ASXL1: variants seen among roughly 807,000 people sequenced by gnomAD.
ASXL1 encodes polycomb group protein ASXL1.
Under a neutral mutation model 89.1 loss-of-function variants are expected in ASXL1, and 65 were observed. The ratio of observed to expected loss-of-function variants is 0.73; its 90% CI spans 0.60 to 0.90. ASXL1 has a LOEUF of 0.90. Among genes scored for constraint, ASXL1 ranks in the 40% least tolerant of loss-of-function variants. The probability of loss-of-function intolerance (pLI) is 0.00; values close to 1 mark genes in which losing one functional copy is unlikely to be tolerated. For missense variants in ASXL1, 1,786 were observed against 1,942.9 expected (o/e 0.92, Z 1.52); for synonymous variants, 739 against 746.9 (o/e 0.99, Z 0.17).
At chr20:32,418,357 C>T (rs2049174423) in intron 4 of ASXL1, among the ~76,000 whole-genome samples, 1 of 152,038 alleles carries the variant, frequency 6.6e-6, no homozygotes, top group African/African-American at 2.4e-5. Flanking sequence ...TGGGCCCGCA[C>T]AGTGAGACCC....
Position 32,430,007 on chromosome 20 carries a change from C to T in ASXL1, c.672C>T (p.Thr224=), listed in dbSNP as rs749748016. ...CTATTCGTGGCCAGGCCGAGGTCACCCAGGACCCTGCCCCGCTCCTGAGAG... is the reference window on the plus strand; with the variant it reads ...CTATTCGTGGCCAGGCCGAGGTCACTCAGGACCCTGCCCCGCTCCTGAGAG... ...SAAIRGQAEV[T]QDPAPLLRGF... is the part of the protein sequence containing the mutation. The change falls in exon 8 of 13, where the codon ACC becomes ACT. Residue 224 remains threonine, a synonymous_variant. Coordinates refer to ENST00000375687, the MANE Select transcript of ASXL1 (RefSeq NM_015338.6). 1 of 1,608,100 alleles carries T rather than the reference C, an allele frequency of 6.2e-7. No homozygotes were observed. The highest frequency in any genetic ancestry group is 8.5e-7 in the Non-Finnish European group (1 of 1,179,966).
intron 1 of ASXL1, 78 bp downstream of exon 1, chr20:32,358,910 GA>G: frequency 7.3e-7 from 1 of 1,364,604 alleles, no homozygotes. Flanking sequence ...ACTGGGGGGG[GA>G]GGGGCAAGGC....
chr20:32,359,663 G>A (rs2122761815), intron 1 of ASXL1: 1 of 717,434 alleles, frequency 1.4e-6, no homozygotes, highest in East Asian at 2.7e-5. Flanking sequence ...CAAAGACAAA[G>A]TATCTCTGTT....
chr20:32,398,685 C>T (rs1269671314), intron 4 of ASXL1, among the ~76,000 whole-genome samples: 1 of 147,918 alleles, frequency 6.8e-6, no homozygotes, highest in African/African-American at 2.5e-5. Flanking sequence ...TCTCGGCTCA[C>T]TGCAAGCTCC....
In ASXL1 at chr20:32,434,471, G is replaced by T. The variant is rs764414702; in HGVS notation, c.1759G>T (p.Gly587Cys). ...SRIKPPWVVK[G>C]QPTYQICPRI... Reference sequence around the variant, plus strand: ...TATCAAACCACCCTGGGTGGTTAAAGGTCAGCCCACTTACCAGATATGCCC... The same window carrying T: ...TATCAAACCACCCTGGGTGGTTAAATGTCAGCCCACTTACCAGATATGCCC... The change falls in exon 13 of 13, where the codon GGT (glycine) becomes TGT (cysteine). Residue 587 changes from glycine to cysteine, a missense_variant. Coordinates refer to ENST00000375687, the MANE Select transcript of ASXL1 (RefSeq NM_015338.6). The T allele has an allele frequency of 6.2e-7, 1 of 1,614,090 alleles. No individual in the cohort carries two copies. The highest frequency in any genetic ancestry group is 1.1e-5 in the South Asian group (1 of 91,076).
rs768333722 is a variant in ASXL1 at position 32,435,863 on chromosome 20, C to A, written c.3151C>A (p.Arg1051Ser). The A allele has an allele frequency of 1.2e-6, 2 of 1,614,180 alleles. No homozygotes were observed. The highest frequency in any genetic ancestry group is 1.1e-5 in the South Asian group (1 of 91,084). Residue 1051 changes from arginine (R) to serine (S), a missense_variant, in exon 13 of 13, where the codon CGT (arginine) becomes AGT (serine). This residue lies in a region of ASXL1 where 1,418 missense variants were observed against 1,427.8 expected (regional missense o/e 0.99). Transcript: ENST00000375687. ...ACTGTCCAAGGTGAATGGTGACATGCGTCTGGTTACAAGGACAGATGGGAT... is the reference window on the plus strand; with the variant it reads ...ACTGTCCAAGGTGAATGGTGACATGAGTCTGGTTACAAGGACAGATGGGAT... The part of the protein sequence containing the change: ...APLSKVNGDM[R>S]LVTRTDGMVA...
chr20:32,367,745 TG>T lies in ASXL1; in HGVS notation c.143+19del, dbSNP rs1233033263. Reference sequence around the variant, plus strand: ...CCTATAGAAGGTAAATGAGTCCCTTTGGGACATATGGAATTGAGAACCTTAA... The same window carrying T: ...CCTATAGAAGGTAAATGAGTCCCTTTGGACATATGGAATTGAGAACCTTAA... On this transcript the variant is annotated intron_variant, in intron 3 of 12. Coordinates refer to ENST00000375687, the MANE Select transcript of ASXL1 (RefSeq NM_015338.6). The T allele has an allele frequency of 1.3e-6, 1 of 780,784 alleles. No homozygotes were observed. Among genetic ancestry groups the T allele is most frequent in the African/African-American group, 1.7e-5 (1 of 59,154 alleles). 48.4% of individuals were successfully genotyped at this position (780,784 alleles called of 1,614,324 possible).
chr20:32,432,754 T>C, intron 10 of ASXL1, 126 bp from the exon 11 acceptor site: 2 of 1,198,660 alleles, frequency 1.7e-6, no homozygotes, highest in Non-Finnish European at 2.4e-6. Context: ...TCTGTCCCTA[T>C]AAGAGCATGA....
intron 4 of ASXL1, 189 bp from the exon 5 acceptor site, chr20:32,427,939 G>T: frequency 1.3e-6 from 1 of 769,024 alleles, no homozygotes; most frequent in Non-Finnish European, 2.1e-6. Flanking sequence ...GAATGCAAAA[G>T]TGTATCTAAC....
intron 4 of ASXL1, among the ~76,000 whole-genome samples, chr20:32,376,805 A>G (rs1205918703): frequency 2.4e-5 from 3 of 125,904 alleles, no homozygotes; most frequent in East Asian, 2.0e-4. Flanking sequence ...CATGATATAT[A>G]TAATGTATTT....
At chr20:32,369,729 T>A (rs2048267170) in intron 4 of ASXL1, among the ~76,000 whole-genome samples, 1 of 143,892 alleles carries the variant, frequency 6.9e-6, no homozygotes, top group African/African-American at 2.6e-5. Flanking sequence ...TTTTTTTTTT[T>A]TTTTTTTTTT....
rs2011459402 is a variant in ASXL1 at position 32,429,644 on chromosome 20, C to A, written c.565+213C>A. On this transcript the variant is annotated intron_variant, in intron 7 of 12. Coordinates refer to ENST00000375687, the MANE Select transcript of ASXL1 (RefSeq NM_015338.6). The surrounding 1 kb of genome is among the most constrained non-coding windows in gnomAD (Gnocchi z 4.9). ...GTCTCCCAGGGCAGTCGTGAGGATC[C>A]AACGGAGGATTTGATTATGCCAGTG... is the stretch of plus-strand genomic sequence containing the variant. 1 of 706,624 alleles carries A rather than the reference C, an allele frequency of 1.4e-6. No homozygotes were observed. The highest frequency in any genetic ancestry group is 2.4e-6 in the Non-Finnish European group (1 of 424,284). 43.8% of individuals were successfully genotyped at this position (706,624 alleles called of 1,614,324 possible).
chr20:32,378,126 A>T (rs1456398719), intron 4 of ASXL1, among the ~76,000 whole-genome samples: 1 of 139,458 alleles, frequency 7.2e-6, no homozygotes, highest in East Asian at 2.1e-4. Flanking sequence ...GGTAGTTGGG[A>T]CTACAGGTGC....
intron 4 of ASXL1, among the ~76,000 whole-genome samples, chr20:32,389,760 G>T (rs2048640807): frequency 6.6e-6 from 1 of 152,102 alleles, no homozygotes; most frequent in African/African-American, 2.4e-5. Flanking sequence ...TAGAGACAGG[G>T]TTTCACCATG....
chr20:32,395,170 C>T (rs1331502025), intron 4 of ASXL1, among the ~76,000 whole-genome samples: 2 of 152,166 alleles, frequency 1.3e-5, no homozygotes, highest in East Asian at 3.8e-4. Flanking sequence ...CAGAGGACTT[C>T]CTTTAATGTG....
chr20:32,395,964 A>T (rs2048755582), intron 4 of ASXL1, among the ~76,000 whole-genome samples: 1 of 151,796 alleles, frequency 6.6e-6, no homozygotes, highest in Non-Finnish European at 1.5e-5. Flanking sequence ...ATGTCTGGCT[A>T]GTTTTTGTAT....
At chr20:32,383,402 G>A (rs984080429) in intron 4 of ASXL1, among the ~76,000 whole-genome samples, 1 of 152,010 alleles carries the variant, frequency 6.6e-6, no homozygotes, top group Non-Finnish European at 1.5e-5. Flanking sequence ...TGCCTCCCGG[G>A]TTCACGCCAT....
chr20:32,378,158 TTGTGTGTG>T (rs142792019), intron 4 of ASXL1, among the ~76,000 whole-genome samples: 65 of 130,306 alleles, frequency 5.0e-4, no homozygotes, highest in East Asian at 1.2e-3. Flanking sequence ...GCTGAGTAAT[TTGTGTGTG>T]TGTGTGTGTG....
chr20:32,371,203 T>G (rs895678707), intron 4 of ASXL1, among the ~76,000 whole-genome samples: 1 of 152,160 alleles, frequency 6.6e-6, no homozygotes, highest in African/African-American at 2.4e-5. Flanking sequence ...TCCCTGGCAT[T>G]GAGTCAGTCC....
Sources: allele counts gnomAD v4.1 joint callset (sites outside exome capture counted in the v4.1 genomes callset), GRCh38; gene constraint gnomAD v4.1.1; regional missense constraint gnomAD v4.1.1; non-coding constraint Gnocchi (gnomAD v3.1); transcripts MANE v1.5; gene names NCBI Gene and HGNC (gene_info 2026-07-23, HGNC 2026-07-21).